Variants in MCPH1 observed in about 807,000 individuals in gnomAD.
MCPH1 encodes microcephalin 1.
Under a neutral mutation model 84.5 loss-of-function variants are expected in MCPH1, and 104 were observed. The observed-to-expected ratio is 1.23, with a 90% CI of 1.05 to 1.45. The LOEUF (loss-of-function observed/expected upper bound fraction) is 1.45. MCPH1 is among the 40% of genes most tolerant of loss of function. The pLI, the probability that MCPH1 is intolerant of heterozygous loss-of-function variation, is 0.00. For missense variants in MCPH1, 1,498 were observed against 1,005.7 expected (o/e 1.49, Z -6.62); for synonymous variants, 514 against 366.8 (o/e 1.40, Z -4.58).
At chr8:6,497,116 G>A (rs1294207404) in intron 11 of MCPH1, among the ~76,000 whole-genome samples, 6 of 152,148 alleles carry the variant, frequency 3.9e-5, no homozygotes, top group African/African-American at 1.4e-4. Flanking sequence ...GATTGGAAGT[G>A]CAACATTTAC....
intron 12 of MCPH1, among the ~76,000 whole-genome samples, chr8:6,554,563 G>A (rs1471142482): frequency 1.3e-5 from 2 of 152,086 alleles, no homozygotes; most frequent in East Asian, 1.9e-4. Flanking sequence ...AATTTTTAAT[G>A]TATATTTTTA....
At chr8:6,615,628 C>A (rs1395839396) in intron 12 of MCPH1, 1 of 152,184 alleles carries the variant, frequency 6.6e-6, no homozygotes, top group African/African-American at 2.4e-5. Flanking sequence ...CACATTTTAT[C>A]TTTTAAATGT....
chr8:6,632,538 A>G (rs1371674376), intron 13 of MCPH1, among the ~76,000 whole-genome samples: 2 of 152,210 alleles, frequency 1.3e-5, no homozygotes, highest in Admixed American at 6.5e-5. Context: ...GGCTGAGCGC[A>G]GTGACTCATG....
chr8:6,535,920 G>T (rs1820399426), intron 12 of MCPH1, among the ~76,000 whole-genome samples: 1 of 151,862 alleles, frequency 6.6e-6, no homozygotes, highest in Non-Finnish European at 1.5e-5. Flanking sequence ...AGCTTGGCCT[G>T]GTAGTGCGAG....
Position 6,408,976 on chromosome 8 carries a change from C to G in MCPH1, c.23-303C>G, listed in dbSNP as rs572447694. Among the ~76,000 whole-genome samples the G allele has an allele frequency of 6.4e-4, 98 of 152,088 alleles. 1 individual carries two copies. Among genetic ancestry groups the G allele is most frequent in the African/African-American group, 2.3e-3 (95 of 41,416 alleles). On this transcript the variant is annotated intron_variant, in intron 1 of 13. Transcript: ENST00000344683. ...TCTCGGCTCACTGCAACCTCTGCCT[C>G]CCGGGTTCAAGTGATTCTCCTGCCT...
intron 13 of MCPH1, among the ~76,000 whole-genome samples, chr8:6,634,220 A>G (rs1797374206): frequency 6.6e-6 from 1 of 152,238 alleles, no homozygotes; most frequent in African/African-American, 2.4e-5. Flanking sequence ...TGATGAACTG[A>G]AAATTGAAGG....
At chr8:6,439,247 C>G (rs767751442) in intron 6 of MCPH1, 151 bp downstream of exon 6, 29 of 768,188 alleles carry the variant, frequency 3.8e-5, no homozygotes, top group Non-Finnish European at 6.0e-5. Context: ...TCCAGAAAAT[C>G]TTATGCATCA....
intron 12 of MCPH1, among the ~76,000 whole-genome samples, chr8:6,510,669 G>A (rs1017330131): frequency 6.6e-6 from 1 of 152,180 alleles, no homozygotes; most frequent in African/African-American, 2.4e-5. Context: ...ATGGAGGTAG[G>A]ATTTGCACCA....
At chr8:6,411,871 G>C (rs1798582835) in intron 2 of MCPH1, among the ~76,000 whole-genome samples, 1 of 152,138 alleles carries the variant, frequency 6.6e-6, no homozygotes, top group Non-Finnish European at 1.5e-5. Context: ...CGTGGATAAG[G>C]GGGAACTAAT....
intron 9 of MCPH1, among the ~76,000 whole-genome samples, chr8:6,459,264 C>T (rs1452365294): frequency 6.8e-6 from 1 of 147,150 alleles, no homozygotes; most frequent in Non-Finnish European, 1.5e-5. Context: ...AAATTTGGAA[C>T]TTAACACGGC....
chr8:6,417,314 G>A (rs1799452705), intron 3 of MCPH1, among the ~76,000 whole-genome samples: 1 of 152,178 alleles, frequency 6.6e-6, no homozygotes, highest in South Asian at 2.1e-4. Context: ...CGGGCCATAT[G>A]GTCTCTGCTC....
intron 12 of MCPH1, among the ~76,000 whole-genome samples, chr8:6,528,824 G>C (rs1818889244): frequency 6.6e-6 from 1 of 152,222 alleles, no homozygotes; most frequent in Admixed American, 6.5e-5. Context: ...AGCCTTGGCT[G>C]GTCCACAGCG....
At chr8:6,438,799 A>T (rs528524629) in intron 5 of MCPH1, 154 bp from the exon 6 acceptor site, 1 of 190,334 alleles carries the variant, frequency 5.3e-6, no homozygotes, top group East Asian at 1.9e-4. Flanking sequence ...CTGCCTGTGG[A>T]GGTGGTGGAG....
chr8:6,463,286 C>G (rs1031949767), intron 9 of MCPH1, among the ~76,000 whole-genome samples: 1 of 152,116 alleles, frequency 6.6e-6, no homozygotes, highest in East Asian at 1.9e-4. Flanking sequence ...CCTCAGTTTT[C>G]GAGAGATGCT....
intron 12 of MCPH1, among the ~76,000 whole-genome samples, chr8:6,551,018 C>T (rs964887165): frequency 3.9e-5 from 6 of 152,160 alleles, no homozygotes; most frequent in Admixed American, 1.3e-4. Context: ...CTTTTGAAAC[C>T]AACAAGTGAA....
intron 12 of MCPH1, among the ~76,000 whole-genome samples, chr8:6,520,665 C>G (rs2515441): frequency 0.42 from 63,932 of 152,040 alleles, 13,660 homozygotes; most frequent in Middle Eastern, 0.52. Flanking sequence ...CAAAGTGCTG[C>G]AATTAGAGGC....
In MCPH1 at chr8:6,586,611, G is replaced by C. The variant is rs377590625; in HGVS notation, c.2215-34843G>C. Among the ~76,000 whole-genome samples the C allele has an allele frequency of 9.2e-5, 14 of 152,310 alleles. No homozygotes were observed. In the East Asian group the frequency reaches 2.7e-3, roughly 29 times the overall value. On this transcript the variant is annotated intron_variant, in intron 12 of 13. Coordinates refer to ENST00000344683, the MANE Select transcript of MCPH1 (RefSeq NM_024596.5). ...ATGTCTGGGGGGAATTCTGCAAAGA[G>C]AGCCTGAAATAAAGGCAAACAGTGA...
chr8:6,455,049 G>A, intron 8 of MCPH1, 94 bp from the exon 9 acceptor site: 1 of 923,360 alleles, frequency 1.1e-6, no homozygotes. Context: ...ATAACTTCCT[G>A]TTTCCATTAT....
intron 12 of MCPH1, among the ~76,000 whole-genome samples, chr8:6,505,563 G>A (rs1323292636): frequency 2.7e-5 from 2 of 73,226 alleles, no homozygotes; most frequent in Non-Finnish European, 5.0e-5. Flanking sequence ...CTTTATATAT[G>A]TATATATAGA....
Sources: gnomAD v4.1 joint callset for allele counts (sites outside exome capture counted in the v4.1 genomes callset) on GRCh38, gnomAD v4.1.1 for gene constraint, MANE v1.5 for transcripts, NCBI Gene and HGNC (gene_info 2026-07-23, HGNC 2026-07-21) for gene names.